The following KCTD16 variants were observed in gnomAD, a reference collection of about 807,000 sequenced individuals.
The protein encoded by KCTD16 is BTB/POZ domain-containing protein KCTD16.
Under a neutral mutation model 33.2 loss-of-function variants are expected in KCTD16, and 13 were observed. The ratio of observed to expected loss-of-function variants is 0.39; its 90% CI spans 0.25 to 0.62. The LOEUF (loss-of-function observed/expected upper bound fraction) is 0.62. KCTD16 is among the 20% of genes least tolerant of loss of function. The pLI is 0.50. For synonymous variants in KCTD16, 197 were observed against 195.3 expected (o/e 1.01, Z -0.07); for missense variants, 441 against 525.1 (o/e 0.84, Z 1.57).
rs1376981652 is a variant in KCTD16, at chr5:144,477,036, G to C, written c.*2922G>C. On this transcript the variant is annotated 3_prime_UTR_variant, in exon 4 of 4. Transcript: ENST00000512467. Reference sequence around the variant, plus strand: ...TAGATTGCCTTCTGGGAAATCCCGCGATACTAAAATCCAGTGAGCTTTGGG... The same window carrying C: ...TAGATTGCCTTCTGGGAAATCCCGCCATACTAAAATCCAGTGAGCTTTGGG... 6.6e-6 allele frequency: 1 copy of C among 152,056 alleles called. No homozygotes were observed. 9.4% of individuals were successfully genotyped at this position (152,056 alleles called of 1,614,324 possible).
At chr5:144,319,352 C>T (rs1490599978) in intron 3 of KCTD16, among the ~76,000 whole-genome samples, 1 of 152,168 alleles carries the variant, frequency 6.6e-6, no homozygotes, top group Non-Finnish European at 1.5e-5. Context: ...TGCTACCAAA[C>T]CCATGCACAC....
rs187264349 is a variant in KCTD16, at chr5:144,244,884, G to A, written c.832+37338G>A. Among the ~76,000 whole-genome samples the A allele has an allele frequency of 5.9e-5, 9 of 152,264 alleles. No individual in the cohort carries two copies. In the East Asian group the frequency reaches 1.5e-3, roughly 26 times the overall value. Reference sequence around the variant, plus strand: ...TGAGAATCAAATGAAATGTAGTAGTGACTATGAAAGCTCCTTGAAAGCTGA... The same window carrying A: ...TGAGAATCAAATGAAATGTAGTAGTAACTATGAAAGCTCCTTGAAAGCTGA... On this transcript the variant is annotated intron_variant, in intron 3 of 3. Transcript: ENST00000512467.
chr5:144,206,312 C>CCT (rs1288989855), intron 2 of KCTD16, 77 bp from the exon 3 acceptor site: 4 of 163,302 alleles, frequency 2.4e-5, no homozygotes, highest in East Asian at 1.8e-4. Context: ...TCCCTCCCTC[C>CCT]CTCTCTCTCT....
At chr5:144,308,328 C>T (rs1400760556) in intron 3 of KCTD16, among the ~76,000 whole-genome samples, 1 of 152,240 alleles carries the variant, frequency 6.6e-6, no homozygotes, top group African/African-American at 2.4e-5. Context: ...TGGCTACCGC[C>T]AACCAGTCAG....
intron 3 of KCTD16, among the ~76,000 whole-genome samples, chr5:144,359,760 G>A (rs538204730): frequency 6.6e-6 from 1 of 151,808 alleles, no homozygotes; most frequent in African/African-American, 2.4e-5. Flanking sequence ...GGCCCCAAAT[G>A]TCAATAGGGC....
intron 3 of KCTD16, among the ~76,000 whole-genome samples, chr5:144,360,454 T>C (rs1209701085): frequency 6.6e-6 from 1 of 151,410 alleles, no homozygotes; most frequent in East Asian, 1.9e-4. Context: ...TTTTTTGAGA[T>C]GGAATCTCGC....
At chr5:144,237,258 C>G (rs907833189) in intron 3 of KCTD16, among the ~76,000 whole-genome samples, 1 of 152,038 alleles carries the variant, frequency 6.6e-6, no homozygotes, top group African/African-American at 2.4e-5. Flanking sequence ...TGGTTTGGCT[C>G]TAGTTTCTCA....
intron 3 of KCTD16, among the ~76,000 whole-genome samples, chr5:144,407,188 TA>T (rs1561596406): frequency 7.7e-6 from 1 of 129,522 alleles, no homozygotes; most frequent in Non-Finnish European, 1.6e-5. Flanking sequence ...CATCTTTTTT[TA>T]AAAAAATTCC....
chr5:144,455,085 G>A (rs1219493317), intron 3 of KCTD16, among the ~76,000 whole-genome samples: 4 of 152,070 alleles, frequency 2.6e-5, no homozygotes, highest in African/African-American at 9.7e-5. Flanking sequence ...GGGGGTCACA[G>A]ACTCCCTGTT....
At chr5:144,334,952 T>C (rs960136600) in intron 3 of KCTD16, among the ~76,000 whole-genome samples, 1 of 152,000 alleles carries the variant, frequency 6.6e-6, no homozygotes, top group Non-Finnish European at 1.5e-5. Context: ...AATTTTTTTT[T>C]TATTTTTTGT....
At chr5:144,210,383 C>G (rs567441677) in intron 3 of KCTD16, among the ~76,000 whole-genome samples, 1 of 152,120 alleles carries the variant, frequency 6.6e-6, no homozygotes, top group African/African-American at 2.4e-5. Flanking sequence ...TTATGATTCA[C>G]TTATATGCAA....
chr5:144,243,992 C>T (rs1424504122), intron 3 of KCTD16, among the ~76,000 whole-genome samples: 1 of 152,130 alleles, frequency 6.6e-6, no homozygotes, highest in Non-Finnish European at 1.5e-5. Context: ...ATCTACCTGC[C>T]TCGGCCTCCC....
intron 3 of KCTD16, among the ~76,000 whole-genome samples, chr5:144,267,693 A>G (rs988961892): frequency 6.6e-6 from 1 of 152,120 alleles, no homozygotes; most frequent in Non-Finnish European, 1.5e-5. Context: ...TCAATGGAGG[A>G]GGCAAAACAA....
At chr5:144,206,116 T>C (rs1456214993) in intron 2 of KCTD16, 1 of 152,688 alleles carries the variant, frequency 6.5e-6, no homozygotes, top group East Asian at 1.9e-4. Context: ...AAATTGCATG[T>C]TTCTTTTTAA....
intron 3 of KCTD16, among the ~76,000 whole-genome samples, chr5:144,433,433 C>T (rs560079427): frequency 2.6e-5 from 4 of 151,978 alleles, no homozygotes; most frequent in East Asian, 1.9e-4. Flanking sequence ...GCAGAGACAC[C>T]GGATTTTCTG....
In KCTD16 at chr5:144,383,611, C is replaced by T. The variant is rs376093904; in HGVS notation, c.833-90049C>T. ...TACAGCAGCTGAAAACATTGCTTTC[C>T]TAAAACTGCAATATTTTTTCAGGAG... is the stretch of plus-strand genomic sequence containing the variant. On this transcript the variant is annotated intron_variant, in intron 3 of 3. Transcript: ENST00000512467. 8.0e-5 allele frequency among the ~76,000 whole-genome samples: 12 copies of T among 150,208 alleles called. No homozygotes were observed. The East Asian group carries it at 1.4e-3, about 17-fold the overall frequency.
chr5:144,296,280 T>A (rs1054247729), intron 3 of KCTD16, among the ~76,000 whole-genome samples: 1 of 152,212 alleles, frequency 6.6e-6, no homozygotes, highest in Non-Finnish European at 1.5e-5. Context: ...CAGTGCTCAG[T>A]AAGAATTTAT....
intron 3 of KCTD16, among the ~76,000 whole-genome samples, chr5:144,360,692 A>C (rs558969603): frequency 6.6e-6 from 1 of 152,250 alleles, no homozygotes; most frequent in South Asian, 2.1e-4. Context: ...TGCCTCCCAA[A>C]GTGCTGGGAT....
chr5:144,179,427 C>G (rs1752573041), intron 2 of KCTD16, among the ~76,000 whole-genome samples: 2 of 152,326 alleles, frequency 1.3e-5, no homozygotes, highest in East Asian at 3.9e-4. Context: ...ATTCACTCTG[C>G]TCCTGAGTGT....
Sources: gnomAD v4.1 joint callset for allele counts (sites outside exome capture counted in the v4.1 genomes callset) on GRCh38, gnomAD v4.1.1 for gene constraint, MANE v1.5 for transcripts, NCBI Gene and HGNC (gene_info 2026-07-23, HGNC 2026-07-21) for gene names.